ZNF385D: variants seen among roughly 807,000 people sequenced by gnomAD.
The protein encoded by ZNF385D is zinc finger protein 659.
ZNF385D carries 15 observed loss-of-function variants against 35.8 expected under a neutral mutation model. The observed-to-expected ratio is 0.42, with a 90% CI of 0.28 to 0.64. The LOEUF (loss-of-function observed/expected upper bound fraction) is 0.64, where lower values mean the gene tolerates loss of function less well. ZNF385D is among the 30% of genes least tolerant of loss of function. The pLI is 0.23. For missense variants in ZNF385D, 474 were observed against 494.6 expected (o/e 0.96, Z 0.39); for synonymous variants, 212 against 186.8 (o/e 1.13, Z -1.10).
intron 2 of ZNF385D, among the ~76,000 whole-genome samples, chr3:22,266,948 C>T (rs1316801764): frequency 6.6e-6 from 1 of 151,834 alleles, no homozygotes; most frequent in Non-Finnish European, 1.5e-5. Context: ...GGATATGTAA[C>T]GACAATAAAT....
intron 3 of ZNF385D, among the ~76,000 whole-genome samples, chr3:21,830,667 A>G (rs915045383): frequency 6.6e-6 from 1 of 152,094 alleles, no homozygotes; most frequent in Non-Finnish European, 1.5e-5. Context: ...TATCTTTATT[A>G]GTAGAGTTGC....
intron 2 of ZNF385D, among the ~76,000 whole-genome samples, chr3:22,175,278 TA>T (rs1007194434): frequency 2.0e-5 from 3 of 151,984 alleles, no homozygotes; most frequent in African/African-American, 7.2e-5. Flanking sequence ...AAATCACCTT[TA>T]AAAATGGTAA....
chr3:22,357,737 C>T (rs902141790), intron 2 of ZNF385D, among the ~76,000 whole-genome samples: 8 of 151,798 alleles, frequency 5.3e-5, no homozygotes, highest in Admixed American at 4.6e-4. Context: ...TTGTCTCTGA[C>T]AAGAAAAGGG....
chr3:21,813,421 C>A (rs112129885), intron 3 of ZNF385D, among the ~76,000 whole-genome samples: 1 of 151,984 alleles, frequency 6.6e-6, no homozygotes, highest in African/African-American at 2.4e-5. Flanking sequence ...AGGAGGATGT[C>A]TGAACCCATC....
chr3:21,751,383 C>G (rs1480649481), upstream of ZNF385D: 26 of 1,014,948 alleles, frequency 2.6e-5, no homozygotes, highest in Non-Finnish European at 2.9e-5. Context: ...TCTCTTAAAG[C>G]GAGAAGAGTG....
At chr3:22,282,842 C>G (rs995567576) in intron 2 of ZNF385D, among the ~76,000 whole-genome samples, 1 of 151,872 alleles carries the variant, frequency 6.6e-6, no homozygotes, top group African/African-American at 2.4e-5. Flanking sequence ...TATCTCAATA[C>G]TAATGTGGAA....
At chr3:21,783,894 C>T (rs770982302) in intron 3 of ZNF385D, among the ~76,000 whole-genome samples, 38 of 152,108 alleles carry the variant, frequency 2.5e-4, no homozygotes, top group Non-Finnish European at 4.9e-4. Flanking sequence ...ATATCTTGAT[C>T]GACACCCACT....
intron 3 of ZNF385D, among the ~76,000 whole-genome samples, chr3:21,804,624 C>G (rs557644871): frequency 1.6e-4 from 24 of 152,320 alleles, no homozygotes; most frequent in African/African-American, 5.8e-4. Context: ...ATCCTTCCTT[C>G]TACTTAAGAG....
chr3:22,074,016 A>T (rs887704492), intron 3 of ZNF385D, among the ~76,000 whole-genome samples: 40 of 152,060 alleles, frequency 2.6e-4, no homozygotes, highest in African/African-American at 8.7e-4. Flanking sequence ...TGTTCTCTTC[A>T]TATGTCCAGG....
At chr3:21,695,679 C>A (rs539632883) in intron 1 of ZNF385D, among the ~76,000 whole-genome samples, 3 of 152,108 alleles carry the variant, frequency 2.0e-5, no homozygotes, top group Admixed American at 1.3e-4. Flanking sequence ...TCAAGCTATG[C>A]CCAGGAGTAT....
intron 3 of ZNF385D, among the ~76,000 whole-genome samples, chr3:22,083,601 T>C (rs1700875572): frequency 6.6e-6 from 1 of 152,270 alleles, no homozygotes; most frequent in South Asian, 2.1e-4. Context: ...CAAATCTATG[T>C]CTGATTGGTG....
At chr3:22,023,064 AG>A (rs1412264210) in intron 3 of ZNF385D, among the ~76,000 whole-genome samples, 1 of 152,194 alleles carries the variant, frequency 6.6e-6, no homozygotes, top group African/African-American at 2.4e-5. Context: ...GCTCTTCGCA[AG>A]TGTTTCCTCC....
intron 2 of ZNF385D, among the ~76,000 whole-genome samples, chr3:22,222,312 A>T (rs1019518600): frequency 6.6e-6 from 1 of 151,948 alleles, no homozygotes; most frequent in Non-Finnish European, 1.5e-5. Flanking sequence ...AGTCTTCACC[A>T]CCCAGCCCCA....
intron 3 of ZNF385D, among the ~76,000 whole-genome samples, chr3:21,540,321 G>A (rs775816603): frequency 9.9e-5 from 15 of 152,250 alleles, no homozygotes; most frequent in Non-Finnish European, 1.9e-4. Flanking sequence ...ACAACTCAAT[G>A]AGACCTAAAT....
intron 3 of ZNF385D, among the ~76,000 whole-genome samples, chr3:21,537,072 TA>T (rs1421688922): frequency 6.8e-6 from 1 of 148,074 alleles, no homozygotes. Context: ...TGTTATAGCT[TA>T]AAAAATTAAA....
intron 2 of ZNF385D, among the ~76,000 whole-genome samples, chr3:22,271,836 T>C (rs1013337435): frequency 6.6e-6 from 1 of 152,010 alleles, no homozygotes; most frequent in African/African-American, 2.4e-5. Flanking sequence ...CCTATACAGA[T>C]GGTCCCTGGC....
intron 3 of ZNF385D, among the ~76,000 whole-genome samples, chr3:21,780,732 G>A (rs2071458181): frequency 6.6e-6 from 1 of 152,024 alleles, no homozygotes; most frequent in Non-Finnish European, 1.5e-5. Flanking sequence ...TGGGGCTACT[G>A]AAATGTCCTC....
intron 3 of ZNF385D, among the ~76,000 whole-genome samples, chr3:21,797,101 G>T (rs1410441365): frequency 3.3e-5 from 5 of 152,086 alleles, no homozygotes; most frequent in African/African-American, 1.2e-4. Context: ...TCTGATAAAG[G>T]ACTCTCATCC....
chr3:22,371,330 T>TC (rs1242556493), intron 2 of ZNF385D, among the ~76,000 whole-genome samples: 1 of 152,086 alleles, frequency 6.6e-6, no homozygotes, highest in Non-Finnish European at 1.5e-5. Context: ...AGAGATGATT[T>TC]CCCCACCATA....
Sources: allele counts gnomAD v4.1 joint callset (sites outside exome capture counted in the v4.1 genomes callset), GRCh38; gene constraint gnomAD v4.1.1; transcripts MANE v1.5; gene names NCBI Gene and HGNC (gene_info 2026-07-23, HGNC 2026-07-21).